The following GALNTL6 variants were observed in gnomAD, a reference collection of about 807,000 sequenced individuals.
GALNTL6 encodes polypeptide N-acetylgalactosaminyltransferase like 6.
Under a neutral mutation model 73.7 loss-of-function variants are expected in GALNTL6, and 46 were observed. That is an observed-to-expected ratio of 0.62 (90% CI 0.49 to 0.80). The LOEUF (loss-of-function observed/expected upper bound fraction) is 0.80, where lower values mean the gene tolerates loss of function less well. Among genes scored for constraint, GALNTL6 ranks in the 30% least tolerant of loss-of-function variants. The pLI is 0.00. For synonymous variants in GALNTL6, 259 were observed against 263.7 expected (o/e 0.98, Z 0.17); for missense variants, 604 against 755.0 (o/e 0.80, Z 2.34).
chr4:172,941,175 G>A (rs1274887327), intron 9 of GALNTL6, among the ~76,000 whole-genome samples: 1 of 152,084 alleles, frequency 6.6e-6, no homozygotes, highest in Non-Finnish European at 1.5e-5. Flanking sequence ...TTTCCATTGT[G>A]CAAAAGAGAG....
At chr4:172,659,222 A>G (rs1731245086) in intron 5 of GALNTL6, among the ~76,000 whole-genome samples, 1 of 152,026 alleles carries the variant, frequency 6.6e-6, no homozygotes, top group Admixed American at 6.5e-5. Context: ...TAAAAGCTTT[A>G]ATTTTTTTCT....
chr4:173,040,139 T>G lies in GALNTL6; in HGVS notation c.*39T>G. ...AGAAAGAGTGATTACCTACAGGTTA[T>G]AAATTAAATTTTAGCCAGCATCTGG... is the stretch of plus-strand genomic sequence containing the variant. On this transcript the variant is annotated 3_prime_UTR_variant, in exon 13 of 13. Transcript: ENST00000506823. 1 of 1,486,664 alleles carries G rather than the reference T, an allele frequency of 6.7e-7. No individual in the cohort carries two copies. Among genetic ancestry groups the G allele is most frequent in the South Asian group, 1.2e-5 (1 of 81,878 alleles). The allele number at this position is 1,486,664 out of a possible 1,614,324, so 92.1% of individuals were successfully genotyped here.
chr4:172,661,965 T>C (rs1731400386), intron 5 of GALNTL6, among the ~76,000 whole-genome samples: 1 of 152,158 alleles, frequency 6.6e-6, no homozygotes, highest in Admixed American at 6.5e-5. Flanking sequence ...ATAAGAAGGA[T>C]GCCTGTACTT....
At chr4:172,966,005 T>G (rs552796047) in intron 10 of GALNTL6, among the ~76,000 whole-genome samples, 1 of 152,314 alleles carries the variant, frequency 6.6e-6, no homozygotes, top group South Asian at 2.1e-4. Context: ...TAATAGAATT[T>G]AAATAGAATG....
chr4:172,101,169 C>T (rs1287531014), intron 2 of GALNTL6, among the ~76,000 whole-genome samples: 1 of 152,096 alleles, frequency 6.6e-6, no homozygotes, highest in Non-Finnish European at 1.5e-5. Flanking sequence ...CCACACTCTT[C>T]CCACTTCTAA....
At chr4:172,772,072 A>C (rs1256335130) in intron 5 of GALNTL6, among the ~76,000 whole-genome samples, 3 of 133,546 alleles carry the variant, frequency 2.2e-5, no homozygotes, top group Non-Finnish European at 3.3e-5. Flanking sequence ...CAGACAAGCA[A>C]AGAGAGGTTG....
intron 5 of GALNTL6, among the ~76,000 whole-genome samples, chr4:172,692,436 A>G (rs1481891448): frequency 6.6e-6 from 1 of 152,192 alleles, no homozygotes; most frequent in African/African-American, 2.4e-5. Flanking sequence ...CATAAAGCTT[A>G]TACCAAGTTG....
At chr4:172,703,216 A>G (rs915549214) in intron 5 of GALNTL6, among the ~76,000 whole-genome samples, 1 of 152,002 alleles carries the variant, frequency 6.6e-6, no homozygotes, top group Non-Finnish European at 1.5e-5. Flanking sequence ...CTCTGACTAC[A>G]ACTTTCAATA....
In GALNTL6 at chr4:172,524,120, A is replaced by G. The variant is rs180961247; in HGVS notation, c.553+175431A>G. Among the ~76,000 whole-genome samples the G allele has an allele frequency of 4.8e-3, 731 of 152,292 alleles. 4 individuals are homozygous for G. The highest frequency in any genetic ancestry group is 9.9e-3 in the South Asian group (48 of 4,826). ...AGTTTTGTCTTTTTTAAAACTTTAT[A>G]TAAATGAAGTTCAGTAAACATTCTA... On this transcript the variant is annotated intron_variant, in intron 5 of 12. Coordinates refer to ENST00000506823, the MANE Select transcript of GALNTL6 (RefSeq NM_001034845.3).
chr4:172,875,783 C>G (rs905065782), intron 7 of GALNTL6, among the ~76,000 whole-genome samples: 1 of 146,930 alleles, frequency 6.8e-6, no homozygotes, highest in African/African-American at 2.5e-5. Flanking sequence ...AAGAACAAAA[C>G]ATTTTTGACC....
intron 5 of GALNTL6, among the ~76,000 whole-genome samples, chr4:172,804,758 A>G (rs192977067): frequency 1.3e-5 from 2 of 152,316 alleles, no homozygotes; most frequent in East Asian, 3.9e-4. Flanking sequence ...ACAGATTTAA[A>G]TCTTTGATGA....
At chr4:172,711,636 C>T (rs535447416) in intron 5 of GALNTL6, among the ~76,000 whole-genome samples, 9 of 152,144 alleles carry the variant, frequency 5.9e-5, no homozygotes, top group South Asian at 4.1e-4. Flanking sequence ...GGAGCAGGTT[C>T]GGAAGGGACT....
intron 2 of GALNTL6, among the ~76,000 whole-genome samples, chr4:172,065,134 G>T (rs1284940790): frequency 1.3e-5 from 2 of 149,732 alleles, no homozygotes; most frequent in African/African-American, 2.5e-5. Flanking sequence ...ACAAGGGACT[G>T]GTTTCTAGGA....
At chr4:172,657,673 T>A (rs1003311889) in intron 5 of GALNTL6, among the ~76,000 whole-genome samples, 2 of 152,228 alleles carry the variant, frequency 1.3e-5, no homozygotes, top group Admixed American at 1.3e-4. Flanking sequence ...AACTCTCACC[T>A]CACTCAAAGA....
rs148355399 is a variant in GALNTL6 at position 172,021,975 on chromosome 4, T to C, written c.138+207257T>C. ...TATTTAAATCTAAGACCTCAAAGTA[T>C]GAAACTACTAAAAGAAAATACTGAA... On this transcript the variant is annotated intron_variant, in intron 2 of 12. Transcript: ENST00000506823. 7.4e-3 allele frequency among the ~76,000 whole-genome samples: 1,121 copies of C among 152,042 alleles called. 13 individuals carry two copies. Among genetic ancestry groups the C allele is most frequent in the African/African-American group, 0.026 (1,067 of 41,520 alleles).
At chr4:172,369,092 C>T (rs1001291574) in intron 5 of GALNTL6, among the ~76,000 whole-genome samples, 7 of 152,164 alleles carry the variant, frequency 4.6e-5, no homozygotes. Context: ...TGTGCCCCCC[C>T]CCACATCCTG....
intron 7 of GALNTL6, among the ~76,000 whole-genome samples, chr4:172,834,615 G>A (rs1386217215): frequency 2.6e-5 from 4 of 152,220 alleles, no homozygotes; most frequent in Non-Finnish European, 5.9e-5. Flanking sequence ...CAGCTGGACA[G>A]GAAGACATCA....
In GALNTL6 at chr4:172,482,053, G is replaced by T. The variant is rs562787880; in HGVS notation, c.553+133364G>T. 5.9e-5 allele frequency among the ~76,000 whole-genome samples: 9 copies of T among 152,290 alleles called. 1 individual carries two copies. In the South Asian group the frequency reaches 1.0e-3, roughly 18 times the overall value. On this transcript the variant is annotated intron_variant, in intron 5 of 12. Transcript: ENST00000506823. Reference sequence around the variant, plus strand: ...GCTGAGGCCAGGTGAGAATTCGAGCGCAGCGCAGGTGGCCCAGCAGTGCTG... The same window carrying T: ...GCTGAGGCCAGGTGAGAATTCGAGCTCAGCGCAGGTGGCCCAGCAGTGCTG...
At chr4:172,909,303 GT>G (rs1397667766) in intron 8 of GALNTL6, among the ~76,000 whole-genome samples, 2 of 145,982 alleles carry the variant, frequency 1.4e-5, no homozygotes, top group African/African-American at 2.5e-5. Flanking sequence ...TCCTAAGTGT[GT>G]TTTAAAAAAA....
Sources: gnomAD v4.1 joint callset for allele counts (sites outside exome capture counted in the v4.1 genomes callset) on GRCh38, gnomAD v4.1.1 for gene constraint, MANE v1.5 for transcripts, NCBI Gene and HGNC (gene_info 2026-07-23, HGNC 2026-07-21) for gene names.